IGSF11: variants seen among roughly 807,000 people sequenced by gnomAD.
IGSF11 encodes the protein immunoglobulin superfamily member 11.
IGSF11 carries 22 observed loss-of-function variants against 41.0 expected under a neutral mutation model. The ratio of observed to expected loss-of-function variants is 0.54; its 90% CI spans 0.38 to 0.77. IGSF11 has a LOEUF of 0.77. IGSF11 is among the 30% of genes least tolerant of loss of function. IGSF11 has a pLI of 0.00. For missense variants in IGSF11, 444 were observed against 530.8 expected (o/e 0.84, Z 1.61); for synonymous variants, 219 against 201.3 (o/e 1.09, Z -0.74).
intron 1 of IGSF11, among the ~76,000 whole-genome samples, chr3:119,050,111 AC>A (rs1488540511): frequency 1.3e-5 from 2 of 150,156 alleles, no homozygotes; most frequent in Non-Finnish European, 3.0e-5. Context: ...TGTCTAAAAC[AC>A]CAAAAGCAAT....
intron 4 of IGSF11, among the ~76,000 whole-genome samples, chr3:118,917,473 A>G (rs1941272127): frequency 6.9e-6 from 1 of 144,946 alleles, no homozygotes; most frequent in South Asian, 2.3e-4. Context: ...AGAATACTAC[A>G]AACACCTCTA....
chr3:119,074,366 A>G (rs1257043663), intron 1 of IGSF11, among the ~76,000 whole-genome samples: 1 of 152,126 alleles, frequency 6.6e-6, no homozygotes, highest in African/African-American at 2.4e-5. Context: ...AGGTCTCTCA[A>G]CCCCATATGA....
At chr3:119,065,387 A>G (rs1445316514) in intron 1 of IGSF11, among the ~76,000 whole-genome samples, 3 of 152,184 alleles carry the variant, frequency 2.0e-5, no homozygotes, top group Admixed American at 6.5e-5. Context: ...TTTTTTACAT[A>G]TAATTGGATT....
At chr3:119,127,317 C>A (rs2077417125) in intron 1 of IGSF11, among the ~76,000 whole-genome samples, 2 of 144,730 alleles carry the variant, frequency 1.4e-5, no homozygotes, top group African/African-American at 5.3e-5. Flanking sequence ...GACATGCAGA[C>A]AAGAATTAAA....
chr3:119,076,981 G>A (rs1221285852), intron 1 of IGSF11, among the ~76,000 whole-genome samples: 2 of 152,150 alleles, frequency 1.3e-5, no homozygotes, highest in Non-Finnish European at 2.9e-5. Context: ...CATGTTTATT[G>A]TGGCACTATT....
chr3:119,094,215 T>G (rs2076809728), intron 1 of IGSF11, among the ~76,000 whole-genome samples: 1 of 20,728 alleles, frequency 4.8e-5, no homozygotes, highest in African/African-American at 1.3e-4. Flanking sequence ...AAGGACTACA[T>G]AGCGAAGTAA....
chr3:118,942,358 C>A (rs894876761), intron 1 of IGSF11, among the ~76,000 whole-genome samples: 1 of 152,168 alleles, frequency 6.6e-6, no homozygotes, highest in Admixed American at 6.5e-5. Flanking sequence ...CTATATCAGG[C>A]ACTTAACCCT....
At chr3:118,920,336 TAAATTAAA>T (rs1245435239) in intron 4 of IGSF11, among the ~76,000 whole-genome samples, 2 of 148,148 alleles carry the variant, frequency 1.3e-5, no homozygotes, top group African/African-American at 5.0e-5. Context: ...AAAAAATAAA[TAAATTAAA>T]TAAATAAATA....
chr3:119,059,433 CA>C (rs113245107), intron 1 of IGSF11, among the ~76,000 whole-genome samples: 1 of 151,928 alleles, frequency 6.6e-6, no homozygotes, highest in African/African-American at 2.4e-5. Context: ...GTGGTGATTA[CA>C]AAAAAGTACA....
intron 1 of IGSF11, among the ~76,000 whole-genome samples, chr3:119,077,295 C>T (rs941305642): frequency 6.6e-6 from 1 of 151,972 alleles, no homozygotes; most frequent in African/African-American, 2.4e-5. Flanking sequence ...GGAGGGAAAG[C>T]ATTAGGAGAT....
rs181597252 is a variant in IGSF11 at position 118,926,033 on chromosome 3, A to G, written c.580+68T>C. ...TTATTTTTCAAAACCTATTAAAGTTAATTACTTTTTGAATATTAGAATTGT... is the reference window on the plus strand; with the variant it reads ...TTATTTTTCAAAACCTATTAAAGTTGATTACTTTTTGAATATTAGAATTGT... On this transcript the variant is annotated intron_variant, in intron 4 of 6. Coordinates refer to ENST00000393775, the MANE Select transcript of IGSF11 (RefSeq NM_001015887.3). The G allele has an allele frequency of 7.6e-6, 9 of 1,176,892 alleles. No homozygotes were observed. In the Admixed American group the frequency reaches 2.5e-4, roughly 32 times the overall value. 72.9% of individuals were successfully genotyped at this position (1,176,892 alleles called of 1,614,324 possible).
intron 1 of IGSF11, among the ~76,000 whole-genome samples, chr3:119,029,467 T>C (rs1350836642): frequency 6.6e-6 from 1 of 152,208 alleles, no homozygotes; most frequent in Non-Finnish European, 1.5e-5. Context: ...CCAGGGTTAA[T>C]TTTTTGTAAA....
chr3:119,030,123 T>C (rs1229036797), intron 1 of IGSF11, among the ~76,000 whole-genome samples: 3 of 152,260 alleles, frequency 2.0e-5, no homozygotes, highest in Admixed American at 2.0e-4. Context: ...TGTCCTCTAA[T>C]ACTGTCAGCT....
chr3:119,075,749 C>A, intron 1 of IGSF11, among the ~76,000 whole-genome samples: 1 of 152,112 alleles, frequency 6.6e-6, no homozygotes, highest in East Asian at 1.9e-4. Context: ...TCAATAGATG[C>A]ACAAAAAGCT....
chr3:119,116,412 A>G (rs998751721), intron 1 of IGSF11, among the ~76,000 whole-genome samples: 24 of 152,198 alleles, frequency 1.6e-4, no homozygotes, highest in Non-Finnish European at 4.4e-5. Flanking sequence ...ACAGCAGATC[A>G]TGATATTACT....
upstream of IGSF11, chr3:119,105,280 T>C (rs1576803602): frequency 1.2e-6 from 1 of 859,006 alleles, no homozygotes; most frequent in East Asian, 2.7e-5. Context: ...TTTTAAAATT[T>C]TTAAATAGTT....
Position 118,928,558 on chromosome 3 carries a change from A to C in IGSF11, c.375T>G (p.Leu125=), listed in dbSNP as rs750740565. Residue 125 remains leucine, a synonymous_variant, in exon 3 of 7, where the codon CTT becomes CTG. Coordinates refer to ENST00000393775, the MANE Select transcript of IGSF11 (RefSeq NM_001015887.3). Reference sequence around the variant, plus strand: ...CAATGTTCCTGCCCCCTATGTCTGGAAGGTTGTTGACCAGGCACTGGTAGG... The same window carrying C: ...CAATGTTCCTGCCCCCTATGTCTGGCAGGTTGTTGACCAGGCACTGGTAGG... ...TGTYQCLVNN[L]PDIGGRNIGV... 1.9e-6 allele frequency: 3 copies of C among 1,613,748 alleles called. No individual in the cohort carries two copies. Among genetic ancestry groups the C allele is most frequent in the Non-Finnish European group, 2.5e-6 (3 of 1,179,994 alleles).
intron 1 of IGSF11, among the ~76,000 whole-genome samples, chr3:119,091,841 T>G (rs1486746632): frequency 6.7e-6 from 1 of 150,098 alleles, no homozygotes; most frequent in Admixed American, 6.7e-5. Flanking sequence ...GCCCCCTGTA[T>G]GTAAAATAAA....
intron 1 of IGSF11, among the ~76,000 whole-genome samples, chr3:118,955,899 T>C (rs547694834): frequency 1.3e-5 from 2 of 152,314 alleles, no homozygotes; most frequent in East Asian, 3.9e-4. Context: ...ATGAAAGTCC[T>C]AGATGGCATT....
Sources: allele counts gnomAD v4.1 joint callset (sites outside exome capture counted in the v4.1 genomes callset), GRCh38; gene constraint gnomAD v4.1.1; transcripts MANE v1.5; gene names NCBI Gene and HGNC (gene_info 2026-07-23, HGNC 2026-07-21).